Variants in TEX2 observed in about 807,000 individuals in gnomAD.
TEX2 encodes testis-expressed protein 2.
A neutral mutation model predicts 106.9 loss-of-function variants in TEX2; 53 were observed. The ratio of observed to expected loss-of-function variants is 0.50; its 90% CI spans 0.40 to 0.62. The LOEUF is 0.62. TEX2 is among the 20% of genes least tolerant of loss of function. TEX2 has a pLI of 0.00. For synonymous variants in TEX2, 523 were observed against 534.8 expected, an observed-to-expected ratio of 0.98 and a Z score of 0.30; for missense variants, 1,207 against 1,379.0, an observed-to-expected ratio of 0.88 and a Z score of 1.98.
At position 64,228,508 on chromosome 17, in the gene TEX2, C is replaced by A. The variant is rs1327017541; in HGVS notation, c.-25-14266G>T. 3.3e-5 allele frequency among the ~76,000 whole-genome samples: 5 copies of A among 152,150 alleles called. No individual in the cohort carries two copies. In the East Asian group the frequency reaches 9.6e-4, roughly 29 times the overall value. ...ATTAGATTCTCATAAGGAGGAGCAA[C>A]CTAGATCCCTCGCATGCGCAGTTCA... is the stretch of plus-strand genomic sequence containing the variant. On this transcript the variant is annotated intron_variant, in intron 1 of 11. Coordinates refer to ENST00000584379, the MANE Select transcript of TEX2 (RefSeq NM_001288732.2).
intron 5 of TEX2, among the ~76,000 whole-genome samples, chr17:64,186,975 G>C (rs1301898699): frequency 6.6e-6 from 1 of 152,192 alleles, no homozygotes; most frequent in Non-Finnish European, 1.5e-5. Context: ...GTCTCAGCGA[G>C]CCAAGGGGCC....
Position 64,243,780 on chromosome 17 carries a change from C to A in TEX2, c.-26+19388G>T, listed in dbSNP as rs1008606320. Among the ~76,000 whole-genome samples the A allele has an allele frequency of 4.0e-5, 6 of 150,596 alleles. No homozygotes were observed. The South Asian group carries it at 8.4e-4, about 21-fold the overall frequency. ...TAGTGTTCAGAGTCCTAAATGGTGA[C>A]TATGTCCCAAAAGAAGTTAAAACAC... On this transcript the variant is annotated intron_variant, in intron 1 of 11. Transcript: ENST00000584379.
At chr17:64,218,504 C>T (rs1019484296) in intron 1 of TEX2, among the ~76,000 whole-genome samples, 10 of 150,932 alleles carry the variant, frequency 6.6e-5, no homozygotes, top group Admixed American at 6.6e-5. Flanking sequence ...TTGCAACCTC[C>T]GCCTCCCAGG....
In TEX2 at chr17:64,195,140, A is replaced by G. The variant is rs200680414; in HGVS notation, c.1645-45T>C. 1 of 1,562,092 alleles carries G rather than the reference A, an allele frequency of 6.4e-7. No homozygotes were observed. Among genetic ancestry groups the G allele is most frequent in the Admixed American group, 1.7e-5 (1 of 59,396 alleles). On this transcript the variant is annotated intron_variant, in intron 2 of 11. Coordinates refer to ENST00000584379, the MANE Select transcript of TEX2 (RefSeq NM_001288732.2). The surrounding 1 kb of genome is among the most constrained non-coding windows in gnomAD (Gnocchi z 4.1). ...ATTAGTAATATCAGAATAATCGCAA[A>G]TCTGATTTAGTGTGAAATGATGAAC...
At chr17:64,188,510 T>C (rs2032171333) in intron 4 of TEX2, 95 bp from the exon 5 acceptor site, 1 of 1,564,512 alleles carries the variant, frequency 6.4e-7, no homozygotes, top group East Asian at 2.3e-5. Context: ...TGCTATCAAA[T>C]GACTGTTTAA....
At chr17:64,247,281 G>A (rs1432951175) in intron 1 of TEX2, among the ~76,000 whole-genome samples, 31 of 147,450 alleles carry the variant, frequency 2.1e-4, no homozygotes, top group African/African-American at 7.7e-4. Context: ...AAAAAAAAAA[G>A]AAAAAGAAAA....
At position 64,185,786 on chromosome 17, in the gene TEX2, G is replaced by A. The variant is rs2032051426; in HGVS notation, c.2424+2382C>T. 6.6e-6 allele frequency among the ~76,000 whole-genome samples: 1 copy of A among 152,172 alleles called. No homozygotes were observed. The highest frequency in any genetic ancestry group is 6.5e-5 in the Admixed American group (1 of 15,278). On this transcript the variant is annotated intron_variant, in intron 5 of 11. Transcript: ENST00000584379. This position sits in a 1 kb window ranked among gnomAD's most constrained non-coding sequence, Gnocchi z 4.0. The stretch of plus-strand genomic sequence containing the variant: ...AAAAATACAAAATTAGCCGGACGTG[G>A]TAGCGTGTGACTGCAGTCCTGGCTA...
At chr17:64,150,118 A>G (rs1478199199) in intron 11 of TEX2, 3 of 152,170 alleles carry the variant, frequency 2.0e-5, no homozygotes, top group Admixed American at 2.0e-4. Flanking sequence ...CACTGCAAAA[A>G]GAATGTAGGT....
chr17:64,224,303 A>G (rs2033445229), intron 1 of TEX2, among the ~76,000 whole-genome samples: 1 of 152,216 alleles, frequency 6.6e-6, no homozygotes. Context: ...CCTTGATGCC[A>G]CAGAGCAAAA....
chr17:64,202,480 T>C (rs1567938056), intron 2 of TEX2, among the ~76,000 whole-genome samples: 1 of 152,194 alleles, frequency 6.6e-6, no homozygotes, highest in Admixed American at 6.5e-5. Context: ...TTTGATACCA[T>C]TAATCAGCCA....
chr17:64,156,503 C>A (rs933763209), intron 8 of TEX2, among the ~76,000 whole-genome samples: 1 of 152,208 alleles, frequency 6.6e-6, no homozygotes, highest in African/African-American at 2.4e-5. Context: ...TTATGTGTAT[C>A]CACTGGCTGC....
At chr17:64,190,209 A>G (rs1185177542) in intron 4 of TEX2, among the ~76,000 whole-genome samples, 1 of 152,148 alleles carries the variant, frequency 6.6e-6, no homozygotes, top group African/African-American at 2.4e-5. Flanking sequence ...TTATCCTTAT[A>G]CCGTTTTCAT....
At chr17:64,253,329 CTTTCTTT>C (rs1567971000) in intron 1 of TEX2, among the ~76,000 whole-genome samples, 8 of 142,248 alleles carry the variant, frequency 5.6e-5, no homozygotes, top group Admixed American at 2.1e-4. Flanking sequence ...TTCTTTCTTT[CTTTCTTT>C]TTTTTTTTTT....
chr17:64,212,452 A>T lies in TEX2; in HGVS notation c.1644+122T>A. 3.4e-6 allele frequency: 3 copies of T among 871,638 alleles called. No homozygotes were observed. The South Asian group carries it at 5.0e-5, about 15-fold the overall frequency. 54.0% of individuals were successfully genotyped at this position (871,638 alleles called of 1,614,324 possible). On this transcript the variant is annotated intron_variant, in intron 2 of 11. Coordinates refer to ENST00000584379, the MANE Select transcript of TEX2 (RefSeq NM_001288732.2). The stretch of plus-strand genomic sequence containing the variant: ...GTGCCTGGAGAATGAAGTGGCCCCA[A>T]GCTCTTAAAAAACACGGCCTGTGCA...
At chr17:64,163,272 C>T (rs2030968424) in intron 7 of TEX2, among the ~76,000 whole-genome samples, 1 of 152,042 alleles carries the variant, frequency 6.6e-6, no homozygotes, top group Non-Finnish European at 1.5e-5. Context: ...CCACAGGGGT[C>T]CGCCACCATG....
intron 1 of TEX2, among the ~76,000 whole-genome samples, chr17:64,253,232 G>A (rs905487160): frequency 1.3e-4 from 20 of 152,160 alleles, no homozygotes; most frequent in African/African-American, 4.8e-4. Context: ...TCAACCTCCT[G>A]GGTTCAAACA....
chr17:64,216,636 G>A (rs949942485), intron 1 of TEX2, among the ~76,000 whole-genome samples: 2 of 152,204 alleles, frequency 1.3e-5, no homozygotes, highest in Non-Finnish European at 2.9e-5. Flanking sequence ...CCAGCCTAGC[G>A]CCAAAGGGTG....
At chr17:64,182,566 C>T (rs1282721057) in intron 5 of TEX2, among the ~76,000 whole-genome samples, 2 of 152,090 alleles carry the variant, frequency 1.3e-5, no homozygotes, top group Non-Finnish European at 2.9e-5. Context: ...AATTTTAGAA[C>T]ATTTTCGTCA....
intron 9 of TEX2, among the ~76,000 whole-genome samples, chr17:64,154,520 C>T (rs2030517872): frequency 6.6e-6 from 1 of 152,194 alleles, no homozygotes; most frequent in Admixed American, 6.5e-5. Flanking sequence ...GAGGGAGGCT[C>T]TCCGGGGGGA....
Sources: gnomAD v4.1 joint callset for allele counts (sites outside exome capture counted in the v4.1 genomes callset) on GRCh38, gnomAD v4.1.1 for gene constraint, Gnocchi (gnomAD v3.1) non-coding constraint, MANE v1.5 for transcripts, NCBI Gene and HGNC (gene_info 2026-07-23, HGNC 2026-07-21) for gene names.